Variants in ADAMTSL1 observed in about 807,000 individuals in gnomAD.
ADAMTSL1 encodes the protein ADAMTS like 1.
In ADAMTSL1, 126 loss-of-function variants were observed where a neutral mutation model predicts 201.8. The observed-to-expected ratio is 0.62, with a 90% CI of 0.54 to 0.72. The LOEUF (loss-of-function observed/expected upper bound fraction) is 0.72, where lower values mean the gene tolerates loss of function less well. Ranked by LOEUF, ADAMTSL1 falls within the 30% of genes least tolerant of loss-of-function variation. ADAMTSL1 has a pLI of 0.00. For synonymous variants in ADAMTSL1, 1,121 were observed against 903.4 expected (o/e 1.24, Z -4.32); for missense variants, 2,679 against 2,277.8 (o/e 1.18, Z -3.59).
At chr9:18,176,113 T>C (rs1828142128) in intron 2 of ADAMTSL1, among the ~76,000 whole-genome samples, 1 of 151,336 alleles carries the variant, frequency 6.6e-6, no homozygotes, top group African/African-American at 2.4e-5. Context: ...AATAAGTCTG[T>C]GGTCTTGTTT....
chr9:18,467,081 G>T (rs994163539), intron 2 of ADAMTSL1, among the ~76,000 whole-genome samples: 2 of 152,084 alleles, frequency 1.3e-5, no homozygotes, highest in Non-Finnish European at 1.5e-5. Context: ...TGGCAGTTAC[G>T]TAAAGGGTGC....
chr9:18,902,608 G>T (rs1057479513), intron 26 of ADAMTSL1, among the ~76,000 whole-genome samples: 1 of 151,704 alleles, frequency 6.6e-6, no homozygotes, highest in Non-Finnish European at 1.5e-5. Flanking sequence ...AGAAAATAGT[G>T]CTAAGAGAAA....
intron 2 of ADAMTSL1, among the ~76,000 whole-genome samples, chr9:18,406,524 T>C (rs948145277): frequency 5.3e-5 from 8 of 151,832 alleles, no homozygotes; most frequent in Admixed American, 3.9e-4. Context: ...AGAGACAGGG[T>C]TTCACCATGT....
At chr9:18,638,193 T>C (rs1827218141) in intron 6 of ADAMTSL1, among the ~76,000 whole-genome samples, 1 of 152,140 alleles carries the variant, frequency 6.6e-6, no homozygotes, top group Non-Finnish European at 1.5e-5. Context: ...GGGCATTTAA[T>C]TGAACACCAA....
intron 9 of ADAMTSL1, among the ~76,000 whole-genome samples, chr9:18,670,698 A>G (rs1466693176): frequency 2.6e-5 from 4 of 152,362 alleles, no homozygotes; most frequent in Admixed American, 2.6e-4. Flanking sequence ...AGTTCACTCA[A>G]TGATTATTTA....
At chr9:18,268,712 T>G (rs1230783291) in intron 2 of ADAMTSL1, among the ~76,000 whole-genome samples, 1 of 152,180 alleles carries the variant, frequency 6.6e-6, no homozygotes, top group Non-Finnish European at 1.5e-5. Flanking sequence ...TCATTCTCAG[T>G]GTGGACTTTA....
At chr9:18,286,474 G>C (rs1416975307) in intron 2 of ADAMTSL1, among the ~76,000 whole-genome samples, 1 of 152,094 alleles carries the variant, frequency 6.6e-6, no homozygotes, top group African/African-American at 2.4e-5. Flanking sequence ...TAGAGAGACA[G>C]GGTCAGAGAG....
chr9:18,012,796 T>G (rs1820106869), intron 1 of ADAMTSL1, among the ~76,000 whole-genome samples: 1 of 152,014 alleles, frequency 6.6e-6, no homozygotes, highest in Non-Finnish European at 1.5e-5. Context: ...TTGTCTTTCT[T>G]GCTTCTCCTT....
In ADAMTSL1 at chr9:18,888,019, C is replaced by G; in HGVS notation, c.4438C>G (p.Gln1480Glu). ...TCAGAATGAGGCAGGGGTGCTCATGCAGAAGGCATCTTTAGTGATCCAAGG... is the reference window on the plus strand; with the variant it reads ...TCAGAATGAGGCAGGGGTGCTCATGGAGAAGGCATCTTTAGTGATCCAAGG... ...LAQNEAGVLM[Q>E]KASLVIQDYW... Residue 1480 changes from glutamine to glutamate, a missense_variant, in exon 24 of 29, where the codon CAG (glutamine) becomes GAG (glutamate). By Grantham distance (29) the Gln-to-Glu change is conservative. Transcript: ENST00000380548. 6.2e-7 allele frequency: 1 copy of G among 1,613,550 alleles called. No individual in the cohort carries two copies. Among genetic ancestry groups the G allele is most frequent in the Non-Finnish European group, 8.5e-7 (1 of 1,179,796 alleles).
chr9:18,700,315 T>G (rs1831847676), intron 13 of ADAMTSL1, among the ~76,000 whole-genome samples: 1 of 152,174 alleles, frequency 6.6e-6, no homozygotes, highest in Admixed American at 6.5e-5. Context: ...TTAAAACTTT[T>G]TTTTGACATC....
At chr9:17,921,333 T>G (rs1826291232) in intron 1 of ADAMTSL1, among the ~76,000 whole-genome samples, 1 of 152,162 alleles carries the variant, frequency 6.6e-6, no homozygotes, top group South Asian at 2.1e-4. Context: ...TGGTGACTCC[T>G]TGTTTTATCT....
chr9:18,312,725 C>G (rs754823817), intron 2 of ADAMTSL1, among the ~76,000 whole-genome samples: 10 of 152,212 alleles, frequency 6.6e-5, no homozygotes, highest in Non-Finnish European at 1.3e-4. Context: ...TGTCTGCCCC[C>G]ACCCCAGCCT....
At chr9:18,810,698 T>C (rs1823445302) in intron 20 of ADAMTSL1, among the ~76,000 whole-genome samples, 1 of 152,178 alleles carries the variant, frequency 6.6e-6, no homozygotes, top group South Asian at 2.1e-4. Context: ...CATTGTATTT[T>C]GTAGTCATGT....
intron 2 of ADAMTSL1, among the ~76,000 whole-genome samples, chr9:18,366,179 C>A (rs762879853): frequency 1.3e-4 from 19 of 151,936 alleles, no homozygotes; most frequent in Non-Finnish European, 2.2e-4. Context: ...GAAACATAAA[C>A]AAGGCAGTTC....
intron 2 of ADAMTSL1, among the ~76,000 whole-genome samples, chr9:18,278,937 A>G (rs143713123): frequency 6.6e-6 from 1 of 151,146 alleles, no homozygotes; most frequent in East Asian, 1.9e-4. Context: ...CTTCTGTTTC[A>G]TCAAGTCTGC....
At chr9:18,865,361 G>A (rs1439949447) in intron 23 of ADAMTSL1, among the ~76,000 whole-genome samples, 1 of 152,130 alleles carries the variant, frequency 6.6e-6, no homozygotes, top group African/African-American at 2.4e-5. Context: ...CCCTACAAAG[G>A]ACATGAACTC....
chr9:18,287,416 T>C (rs977734076), intron 2 of ADAMTSL1, among the ~76,000 whole-genome samples: 36 of 151,904 alleles, frequency 2.4e-4, no homozygotes, highest in Non-Finnish European at 4.0e-4. Flanking sequence ...CATATATTTA[T>C]ATATCTGTAA....
At chr9:18,739,899 C>CCGTGTGTGTGTGTGTGTG (rs1554746692) in intron 15 of ADAMTSL1, among the ~76,000 whole-genome samples, 3 of 148,116 alleles carry the variant, frequency 2.0e-5, no homozygotes, top group South Asian at 2.2e-4. Flanking sequence ...TGTCTACTAT[C>CCGTGTGTGTGTGTGTGTG]TGTGTGTGTG....
At position 18,504,697 on chromosome 9, in the gene ADAMTSL1, G is replaced by T; in HGVS notation, c.64-132G>T. ...CATTATGAAATGGAAAAGAATCCGA[G>T]AATCTGATTGCGCGTTTTCATTCCT... On this transcript the variant is annotated intron_variant, in intron 1 of 28. Coordinates refer to ENST00000380548, the MANE Select transcript of ADAMTSL1 (RefSeq NM_001040272.6). The T allele has an allele frequency of 3.9e-6, 5 of 1,269,432 alleles. No homozygotes were observed. In the Admixed American group the frequency reaches 7.2e-5, roughly 18 times the overall value. The allele number at this position is 1,269,432 out of a possible 1,614,324, so 78.6% of individuals were successfully genotyped here. A position where few individuals can be genotyped will look rare whatever the true frequency, so the allele number is the denominator to read the frequency against.
Sources: allele counts gnomAD v4.1 joint callset (sites outside exome capture counted in the v4.1 genomes callset), GRCh38; gene constraint gnomAD v4.1.1; transcripts MANE v1.5; gene names NCBI Gene and HGNC (gene_info 2026-07-23, HGNC 2026-07-21).